PDE10A: variants seen among roughly 807,000 people sequenced by gnomAD.
PDE10A encodes the protein cAMP and cAMP-inhibited cGMP 3',5'-cyclic phosphodiesterase 10A.
Under a neutral mutation model 97.7 loss-of-function variants are expected in PDE10A, and 39 were observed. The ratio of observed to expected loss-of-function variants is 0.40; its 90% CI spans 0.31 to 0.52. The LOEUF (loss-of-function observed/expected upper bound fraction) is 0.52, where lower values mean the gene tolerates loss of function less well. PDE10A is among the 20% of genes least tolerant of loss of function. The probability of loss-of-function intolerance (pLI) is 0.56; values close to 1 mark genes in which losing one functional copy is unlikely to be tolerated. For synonymous variants in PDE10A, 371 were observed against 376.8 expected, an observed-to-expected ratio of 0.98 and a Z score of 0.18; for missense variants, 731 against 1,047.8, an observed-to-expected ratio of 0.70 and a Z score of 4.17.
chr6:165,870,212 C>G (rs1398234731), intron 1 of PDE10A, among the ~76,000 whole-genome samples: 1 of 152,114 alleles, frequency 6.6e-6, no homozygotes, highest in Non-Finnish European at 1.5e-5. Context: ...CAACCATGGA[C>G]TAATATCCAG....
intron 2 of PDE10A, among the ~76,000 whole-genome samples, chr6:165,528,298 C>A (rs1472517648): frequency 2.0e-5 from 3 of 152,178 alleles, no homozygotes; most frequent in Non-Finnish European, 4.4e-5. Context: ...ATAGGATGAA[C>A]CATTCTGTGG....
At position 165,341,769 on chromosome 6, in the gene PDE10A, C is replaced by T. The variant is rs1240204957; in HGVS notation, c.2895+1622G>A. Among the ~76,000 whole-genome samples the T allele has an allele frequency of 2.0e-5, 3 of 152,052 alleles. 1 individual carries two copies. The highest frequency in any genetic ancestry group is 3.9e-4 in the East Asian group (2 of 5,178). On this transcript the variant is annotated intron_variant, in intron 19 of 21. Transcript: ENST00000539869. ...ACTCTGTATAGGTGCTATGGTGTTACGGAGGACTTAGGTATTGCACTAAAC... is the reference window on the plus strand; with the variant it reads ...ACTCTGTATAGGTGCTATGGTGTTATGGAGGACTTAGGTATTGCACTAAAC...
chr6:165,811,629 A>G (rs1779285531), intron 1 of PDE10A, among the ~76,000 whole-genome samples: 3 of 152,058 alleles, frequency 2.0e-5, no homozygotes, highest in Admixed American at 2.0e-4. Flanking sequence ...TCCCTGTGAG[A>G]GAGTGTGCAG....
At chr6:165,523,336 G>A (rs1583462126) in intron 2 of PDE10A, among the ~76,000 whole-genome samples, 1 of 151,982 alleles carries the variant, frequency 6.6e-6, no homozygotes, top group Non-Finnish European at 1.5e-5. Context: ...AAAAGAACAT[G>A]GCTGGAGGCA....
rs535021199 is a variant in PDE10A, at chr6:165,408,989, C to A, written c.2076+4512G>T. On this transcript the variant is annotated intron_variant, in intron 13 of 21. Transcript: ENST00000539869. ...GACCACCCTGGCTAACACGGCGAAA[C>A]CCCATCTCTACTAAAAATACAAAAA... Among the ~76,000 whole-genome samples the A allele has an allele frequency of 3.3e-5, 5 of 149,504 alleles. No individual in the cohort carries two copies. In the South Asian group the frequency reaches 8.5e-4, roughly 25 times the overall value.
Position 165,388,500 on chromosome 6 carries a change from A to C in PDE10A, c.2455-47T>G, listed in dbSNP as rs1240373963. On this transcript the variant is annotated intron_variant, in intron 16 of 21. Coordinates refer to ENST00000539869, the MANE Select transcript of PDE10A (RefSeq NM_001385079.1). The surrounding 1 kb of genome is among the most constrained non-coding windows in gnomAD (Gnocchi z 4.0). ...AGAGATGCTCAAAACACAGAAACAC[A>C]CATGAGCAGACTTACCGCTTACATT... 1 of 1,543,466 alleles carries C rather than the reference A, an allele frequency of 6.5e-7. No homozygotes were observed. The highest frequency in any genetic ancestry group is 8.9e-7 in the Non-Finnish European group (1 of 1,118,604).
intron 1 of PDE10A, among the ~76,000 whole-genome samples, chr6:165,932,223 A>G (rs1326626501): frequency 6.6e-6 from 1 of 152,226 alleles, no homozygotes; most frequent in African/African-American, 2.4e-5. Context: ...TGGCACCGGC[A>G]TCAAGTCTTG....
chr6:165,512,923 T>C (rs1412910406), intron 2 of PDE10A, among the ~76,000 whole-genome samples: 4 of 152,056 alleles, frequency 2.6e-5, no homozygotes, highest in Admixed American at 2.0e-4. Context: ...ACTAATGAGA[T>C]TAAGCATCCT....
intron 18 of PDE10A, among the ~76,000 whole-genome samples, chr6:165,345,381 A>C (rs1782239169): frequency 6.6e-6 from 1 of 152,254 alleles, no homozygotes; most frequent in Non-Finnish European, 1.5e-5. Context: ...AAAACAGATT[A>C]GAAATTTGGC....
At chr6:165,574,831 T>C (rs929948703) in intron 1 of PDE10A, among the ~76,000 whole-genome samples, 1 of 152,178 alleles carries the variant, frequency 6.6e-6, no homozygotes, top group Admixed American at 6.5e-5. Context: ...ATTATAACTG[T>C]TTATTATTCC....
rs1783417047 is a variant in PDE10A at position 165,361,427 on chromosome 6, C to T, written c.2783+17767G>A. Among the ~76,000 whole-genome samples, 3 of 152,198 alleles carry T rather than the reference C, an allele frequency of 2.0e-5. No homozygotes were observed. In the South Asian group the frequency reaches 6.2e-4, roughly 32 times the overall value. On this transcript the variant is annotated intron_variant, in intron 18 of 21. Transcript: ENST00000539869. ...TCAAACATTTATGGAAATTTAAAAA[C>T]ATATTCTCATATGACTATTATGCAC...
At chr6:165,776,340 G>A (rs1169272551) in intron 1 of PDE10A, among the ~76,000 whole-genome samples, 3 of 152,074 alleles carry the variant, frequency 2.0e-5, no homozygotes, top group Non-Finnish European at 4.4e-5. Context: ...TTTCTCCTAG[G>A]GGGTTACAGT....
chr6:165,978,726 T>C (rs1784919710), intron 1 of PDE10A, among the ~76,000 whole-genome samples: 1 of 152,232 alleles, frequency 6.6e-6, no homozygotes, highest in South Asian at 2.1e-4. Flanking sequence ...GCTAGGCTAT[T>C]ACTGGGGACA....
chr6:165,853,674 T>C (rs971193160), intron 1 of PDE10A, among the ~76,000 whole-genome samples: 10 of 152,282 alleles, frequency 6.6e-5, no homozygotes, highest in African/African-American at 1.9e-4. Flanking sequence ...TAACAGGTGA[T>C]AGAACATAAC....
At chr6:165,774,285 C>T (rs1276483156) in intron 1 of PDE10A, among the ~76,000 whole-genome samples, 1 of 151,922 alleles carries the variant, frequency 6.6e-6, no homozygotes, top group Non-Finnish European at 1.5e-5. Context: ...AATAACAGGA[C>T]TGCTAGGAAT....
At chr6:165,511,261 A>T (rs891421192) in intron 2 of PDE10A, among the ~76,000 whole-genome samples, 2 of 151,818 alleles carry the variant, frequency 1.3e-5, no homozygotes, top group Non-Finnish European at 2.9e-5. Flanking sequence ...TTTGATTTTC[A>T]TATTAATTTC....
chr6:165,632,442 GA>G (rs1436617658), intron 1 of PDE10A, among the ~76,000 whole-genome samples: 1 of 152,124 alleles, frequency 6.6e-6, no homozygotes, highest in Non-Finnish European at 1.5e-5. Context: ...TCTCCACTGA[GA>G]AGTTTCTTTA....
chr6:165,435,546 C>T (rs1006768940), intron 5 of PDE10A, among the ~76,000 whole-genome samples, 169 bp from the exon 6 acceptor site: 1 of 152,184 alleles, frequency 6.6e-6, no homozygotes, highest in Non-Finnish European at 1.5e-5. Context: ...TAAAGTGAAA[C>T]TATCTCACAT....
chr6:165,413,265 T>G (rs1788034172), intron 13 of PDE10A, among the ~76,000 whole-genome samples: 1 of 152,214 alleles, frequency 6.6e-6, no homozygotes, highest in African/African-American at 2.4e-5. Flanking sequence ...TAACTTCATT[T>G]TTCTTCTTAA....
Sources: allele counts gnomAD v4.1 joint callset (sites outside exome capture counted in the v4.1 genomes callset), GRCh38; gene constraint gnomAD v4.1.1; non-coding constraint Gnocchi (gnomAD v3.1); transcripts MANE v1.5; gene names NCBI Gene and HGNC (gene_info 2026-07-23, HGNC 2026-07-21).